TXNRD1: variants seen among roughly 807,000 people sequenced by gnomAD.
TXNRD1 encodes the protein thioredoxin reductase 1, cytoplasmic.
TXNRD1 carries 57 observed loss-of-function variants against 80.3 expected under a neutral mutation model. The ratio of observed to expected loss-of-function variants is 0.71; its 90% CI spans 0.57 to 0.89. The LOEUF (loss-of-function observed/expected upper bound fraction) is 0.89. TXNRD1 is among the 40% of genes least tolerant of loss of function. TXNRD1 has a pLI of 0.00. For missense variants in TXNRD1, 730 were observed against 803.0 expected (o/e 0.91, Z 1.10); for synonymous variants, 291 against 285.2 (o/e 1.02, Z -0.20).
intron 4 of TXNRD1, chr12:104,291,089 C>A: frequency 1.5e-6 from 1 of 671,524 alleles, no homozygotes; most frequent in South Asian, 1.6e-5. Context: ...GACTGCAGGT[C>A]ACGACATTTA....
At chr12:104,281,814 T>A (rs1401980670) in intron 3 of TXNRD1, among the ~76,000 whole-genome samples, 1 of 152,172 alleles carries the variant, frequency 6.6e-6, no homozygotes, top group Non-Finnish European at 1.5e-5. Context: ...CACTCTGGCA[T>A]CTTACCACAT....
intron 9 of TXNRD1, among the ~76,000 whole-genome samples, chr12:104,320,747 G>A (rs1463064833): frequency 6.6e-6 from 1 of 151,956 alleles, no homozygotes; most frequent in Non-Finnish European, 1.5e-5. Context: ...GCTGAGTGGT[G>A]GCATGAGGAT....
intron 3 of TXNRD1, among the ~76,000 whole-genome samples, chr12:104,287,738 C>T (rs2034024939): frequency 6.6e-6 from 1 of 152,144 alleles, no homozygotes; most frequent in African/African-American, 2.4e-5. Flanking sequence ...CAGTACAGGA[C>T]AGTGATTAAA....
chr12:104,267,706 T>TC lies in TXNRD1; in HGVS notation c.304+9627_304+9628insC, dbSNP rs1480918245. On this transcript the variant is annotated intron_variant, in intron 3 of 16. Coordinates refer to ENST00000525566, the MANE Select transcript of TXNRD1 (RefSeq NM_001093771.3). The stretch of plus-strand genomic sequence containing the variant: ...CTTTCTTTCTTTCTTTCTTTCTCTC[T>TC]TTCTTTCTTTCTTTCTCTTTCTTTC... 8.6e-4 allele frequency among the ~76,000 whole-genome samples: 55 copies of TC among 63,632 alleles called. 1 individual carries two copies. Among genetic ancestry groups the TC allele is most frequent in the Middle Eastern group, 7.8e-3 (1 of 128 alleles). 41.7% of individuals were successfully genotyped at this position (63,632 alleles called of 152,430 possible). A position where few individuals can be genotyped will look rare whatever the true frequency, so the allele number is the denominator to read the frequency against.
chr12:104,266,745 C>G (rs755585792), intron 3 of TXNRD1, among the ~76,000 whole-genome samples: 1 of 151,928 alleles, frequency 6.6e-6, no homozygotes, highest in Non-Finnish European at 1.5e-5. Context: ...GAGCGGATCA[C>G]GAGGTCAGGA....
chr12:104,327,419 G>A (rs1285614235), intron 12 of TXNRD1, 96 bp from the exon 13 acceptor site: 17 of 1,279,500 alleles, frequency 1.3e-5, no homozygotes, highest in Non-Finnish European at 1.8e-5. Flanking sequence ...CTCAGCTAGA[G>A]TCACAATTTT....
chr12:104,323,812 C>T (rs1232981492), intron 10 of TXNRD1, among the ~76,000 whole-genome samples: 1 of 122,048 alleles, frequency 8.2e-6, no homozygotes, highest in Non-Finnish European at 1.8e-5. Flanking sequence ...GGGGGCTGAC[C>T]CCCCCCCACC....
chr12:104,227,958 T>C (rs1404202235), intron 1 of TXNRD1, among the ~76,000 whole-genome samples: 1 of 152,174 alleles, frequency 6.6e-6, no homozygotes, highest in African/African-American at 2.4e-5. Context: ...TTTTTCCATT[T>C]TTTAGTGATT....
intron 3 of TXNRD1, among the ~76,000 whole-genome samples, chr12:104,263,579 T>C (rs2033414349): frequency 6.6e-6 from 1 of 152,194 alleles, no homozygotes; most frequent in African/African-American, 2.4e-5. Flanking sequence ...GTATCTATAC[T>C]TCAGGTGTCT....
chr12:104,312,727 C>T (rs1220794525), intron 5 of TXNRD1, among the ~76,000 whole-genome samples: 1 of 152,114 alleles, frequency 6.6e-6, no homozygotes, highest in Non-Finnish European at 1.5e-5. Context: ...TTCATGAGCG[C>T]CTCATGTGAA....
At chr12:104,245,862 C>T (rs996083461) in intron 1 of TXNRD1, among the ~76,000 whole-genome samples, 1 of 152,098 alleles carries the variant, frequency 6.6e-6, no homozygotes, top group African/African-American at 2.4e-5. Context: ...GTAATCCCAG[C>T]ACTTTGGGAG....
At chr12:104,329,082 CAT>C (rs2035866215) in intron 13 of TXNRD1, among the ~76,000 whole-genome samples, 1 of 152,226 alleles carries the variant, frequency 6.6e-6, no homozygotes, top group Middle Eastern at 3.4e-3. Flanking sequence ...AATAAAATCT[CAT>C]ATTTTGAATT....
At chr12:104,299,691 C>T (rs533686538) in intron 4 of TXNRD1, among the ~76,000 whole-genome samples, 3 of 144,554 alleles carry the variant, frequency 2.1e-5, no homozygotes, top group Non-Finnish European at 3.0e-5. Context: ...CACTTGAGTC[C>T]GGGGGGTGTA....
intron 4 of TXNRD1, among the ~76,000 whole-genome samples, chr12:104,301,746 A>G (rs2034633518): frequency 6.6e-6 from 1 of 152,232 alleles, no homozygotes; most frequent in Non-Finnish European, 1.5e-5. Flanking sequence ...ATTTTCACCT[A>G]AGATTTAAAA....
intron 1 of TXNRD1, among the ~76,000 whole-genome samples, chr12:104,249,829 C>T (rs982618990): frequency 6.7e-6 from 1 of 149,084 alleles, no homozygotes; most frequent in Admixed American, 6.8e-5. Context: ...CAGCTACTCG[C>T]GAGGCTGAGG....
At chr12:104,249,541 G>A (rs942580793) in intron 1 of TXNRD1, among the ~76,000 whole-genome samples, 1 of 152,082 alleles carries the variant, frequency 6.6e-6, no homozygotes, top group Admixed American at 6.5e-5. Context: ...TATGATAGGG[G>A]TTATTTAAAA....
At chr12:104,300,697 G>C (rs1256433066) in intron 4 of TXNRD1, among the ~76,000 whole-genome samples, 1 of 152,122 alleles carries the variant, frequency 6.6e-6, no homozygotes, top group African/African-American at 2.4e-5. Context: ...TTGAGGCGGG[G>C]TTTCGCTCTT....
chr12:104,322,197 A>G (rs1462180568), intron 10 of TXNRD1, among the ~76,000 whole-genome samples: 2 of 152,098 alleles, frequency 1.3e-5, no homozygotes, highest in African/African-American at 2.4e-5. Context: ...GGTTGAAAAT[A>G]GCATCTAACA....
chr12:104,217,414 G>A (rs374746351), intron 1 of TXNRD1, among the ~76,000 whole-genome samples: 8 of 151,124 alleles, frequency 5.3e-5, no homozygotes, highest in African/African-American at 9.7e-5. Context: ...AGGTTGAAGC[G>A]ATTCTCCTGC....
Sources: gnomAD v4.1 joint callset for allele counts (sites outside exome capture counted in the v4.1 genomes callset) on GRCh38, gnomAD v4.1.1 for gene constraint, MANE v1.5 for transcripts, NCBI Gene and HGNC (gene_info 2026-07-23, HGNC 2026-07-21) for gene names.